The following AGAP1 variants were observed in gnomAD, a reference collection of about 807,000 sequenced individuals.
AGAP1 encodes the protein arf-GAP with GTPase, ANK repeat and PH domain-containing protein 1.
A neutral mutation model predicts 105.3 loss-of-function variants in AGAP1; 29 were observed. That is an observed-to-expected ratio of 0.28 (90% confidence interval 0.21 to 0.38). AGAP1 has a LOEUF of 0.38. Among genes scored for constraint, AGAP1 ranks in the 10% least tolerant of loss-of-function variants. The pLI, the probability that AGAP1 is intolerant of heterozygous loss-of-function variation, is 1.00. For synonymous variants in AGAP1, 509 were observed against 485.9 expected (o/e 1.05, Z -0.63); for missense variants, 998 against 1,165.1 (o/e 0.86, Z 2.09).
chr2:235,889,020 G>C lies in AGAP1; in HGVS notation c.1155+5571G>C, dbSNP rs1216447200. Among the ~76,000 whole-genome samples the C allele has an allele frequency of 6.6e-6, 1 of 152,200 alleles. No homozygotes were observed. The highest frequency in any genetic ancestry group is 1.5e-5 in the Non-Finnish European group (1 of 68,038). On this transcript the variant is annotated intron_variant, in intron 10 of 17. Transcript: ENST00000304032. This position sits in a 1 kb window ranked among gnomAD's most constrained non-coding sequence, Gnocchi z 4.6. ...CCCTGAAGAGGTCATTTCTGTTCCTGAGGTATCTGAACACAGTTTGCTTAT... is the reference window on the plus strand; with the variant it reads ...CCCTGAAGAGGTCATTTCTGTTCCTCAGGTATCTGAACACAGTTTGCTTAT...
intron 9 of AGAP1, among the ~76,000 whole-genome samples, chr2:235,861,190 A>G (rs1484432269): frequency 6.6e-6 from 1 of 152,230 alleles, no homozygotes; most frequent in Non-Finnish European, 1.5e-5. Flanking sequence ...TTAACAATCA[A>G]CTTCTATAGG....
intron 15 of AGAP1, 73 bp from the exon 16 acceptor site, chr2:236,048,986 T>G (rs1449381311): frequency 5.7e-6 from 8 of 1,409,038 alleles, no homozygotes; most frequent in Non-Finnish European, 7.9e-6. Flanking sequence ...TTCGTCGCCT[T>G]GTGTTTCTAA....
chr2:236,001,980 T>C lies in AGAP1; in HGVS notation c.1645+33357T>C, dbSNP rs2056140822. Among the ~76,000 whole-genome samples the C allele has an allele frequency of 6.6e-6, 1 of 152,228 alleles. No individual in the cohort carries two copies. The highest frequency in any genetic ancestry group is 2.4e-5 in the African/African-American group (1 of 41,468). On this transcript the variant is annotated intron_variant, in intron 13 of 17. Coordinates refer to ENST00000304032, the MANE Select transcript of AGAP1 (RefSeq NM_001037131.3). This position sits in a 1 kb window ranked among gnomAD's most constrained non-coding sequence, Gnocchi z 4.7. ...TGGACATCTCTGCCTGATTGGAAGC[T>C]TGCGTTGCACATTCAGCCCACGCCT...
chr2:236,013,583 G>A (rs1265637142), intron 13 of AGAP1, among the ~76,000 whole-genome samples: 1 of 83,450 alleles, frequency 1.2e-5, no homozygotes, highest in East Asian at 2.7e-4. Context: ...GAAGGGTAAG[G>A]GCCTGCCCGT....
rs898991317 is a variant in AGAP1, at chr2:236,052,680, C to A, written c.2114+3399C>A. ...TTACTCCCAGGAAGAAAAAAAAAAT[C>A]TTTTTGGATGGATTCTGCAACAACT... On this transcript the variant is annotated intron_variant, in intron 16 of 17. Transcript: ENST00000304032. Among the ~76,000 whole-genome samples the A allele has an allele frequency of 2.6e-5, 4 of 152,134 alleles. No homozygotes were observed. The East Asian group carries it at 5.8e-4, about 22-fold the overall frequency.
At chr2:235,868,193 CTT>C (rs201871354) in intron 9 of AGAP1, among the ~76,000 whole-genome samples, 1 of 144,162 alleles carries the variant, frequency 6.9e-6, no homozygotes, top group Non-Finnish European at 1.5e-5. Flanking sequence ...TCAAACATCA[CTT>C]TTTTTTTTTT....
Position 236,014,768 on chromosome 2 carries a change from CT to C in AGAP1, c.1646-21788del, listed in dbSNP as rs1559192607. 13 of 407,010 alleles carry C rather than the reference CT, an allele frequency of 3.2e-5. No homozygotes were observed. Among genetic ancestry groups the C allele is most frequent in the East Asian group, 8.2e-5 (1 of 12,142 alleles). The allele number at this position is 407,010 out of a possible 1,614,324, so 25.2% of individuals were successfully genotyped here. On this transcript the variant is annotated intron_variant, in intron 13 of 17. Transcript: ENST00000304032. The surrounding 1 kb of genome is among the most constrained non-coding windows in gnomAD (Gnocchi z 6.3). Reference sequence around the variant, plus strand: ...TTTTCTTTTCCTTTTTGTTTTCTCTCTTTTTCCCCTCTCCCCTTTCTGCTCT... The same window carrying C: ...TTTTCTTTTCCTTTTTGTTTTCTCTCTTTTCCCCTCTCCCCTTTCTGCTCT...
At chr2:235,880,568 T>C (rs1326292273) in intron 9 of AGAP1, among the ~76,000 whole-genome samples, 1 of 119,550 alleles carries the variant, frequency 8.4e-6, no homozygotes, top group Non-Finnish European at 1.7e-5. Context: ...CCATTTCTAC[T>C]AAAAATACAA....
intron 13 of AGAP1, among the ~76,000 whole-genome samples, chr2:235,975,905 C>T (rs1213249236): frequency 1.3e-5 from 2 of 152,162 alleles, no homozygotes; most frequent in Non-Finnish European, 2.9e-5. Flanking sequence ...ACAATAAGGA[C>T]TTATTAATTA....
Position 235,983,884 on chromosome 2 carries a change from T to A in AGAP1, c.1645+15261T>A, listed in dbSNP as rs1238664858. 6.6e-6 allele frequency among the ~76,000 whole-genome samples: 1 copy of A among 152,214 alleles called. No homozygotes were observed. Among genetic ancestry groups the A allele is most frequent in the Non-Finnish European group, 1.5e-5 (1 of 68,034 alleles). On this transcript the variant is annotated intron_variant, in intron 13 of 17. Transcript: ENST00000304032. The surrounding 1 kb of genome is among the most constrained non-coding windows in gnomAD (Gnocchi z 4.5). ...TTTCTCAGAATGCATCACTTAACGA[T>A]GGGGATACATGGCTGTATGTAACAT...
At chr2:235,684,663 T>C (rs530502863) in intron 1 of AGAP1, among the ~76,000 whole-genome samples, 28 of 152,162 alleles carry the variant, frequency 1.8e-4, no homozygotes, top group Non-Finnish European at 3.2e-4. Context: ...TTCTGAACTA[T>C]AGATGGGAAG....
At chr2:235,839,157 C>A (rs1351416936) in intron 9 of AGAP1, among the ~76,000 whole-genome samples, 1 of 152,184 alleles carries the variant, frequency 6.6e-6, no homozygotes, top group East Asian at 1.9e-4. Flanking sequence ...GTGAAGCAAT[C>A]TTTTATGGAA....
intron 13 of AGAP1, among the ~76,000 whole-genome samples, chr2:236,022,684 G>A (rs1452000660): frequency 4.6e-5 from 7 of 152,136 alleles, no homozygotes; most frequent in South Asian, 2.1e-4. Flanking sequence ...ATAGGCACCC[G>A]CCACCACGCC....
At chr2:235,584,488 C>T (rs1945037377) in intron 1 of AGAP1, among the ~76,000 whole-genome samples, 1 of 147,710 alleles carries the variant, frequency 6.8e-6, no homozygotes, top group African/African-American at 2.5e-5. Flanking sequence ...GGAGTGGGTC[C>T]TGATCCAGTG....
rs950575690 is a variant in AGAP1 at position 235,737,224 on chromosome 2, G to A, written c.311-3739G>A. Reference sequence around the variant, plus strand: ...TATCTTATTATTCACCTTTGAGTTCGTGGCAAATACTTAGCAGTATTTAAT... The same window carrying A: ...TATCTTATTATTCACCTTTGAGTTCATGGCAAATACTTAGCAGTATTTAAT... On this transcript the variant is annotated intron_variant, in intron 3 of 17. Coordinates refer to ENST00000304032, the MANE Select transcript of AGAP1 (RefSeq NM_001037131.3). The surrounding 1 kb of genome is among the most constrained non-coding windows in gnomAD (Gnocchi z 4.5). 4.6e-5 allele frequency among the ~76,000 whole-genome samples: 7 copies of A among 152,126 alleles called. No homozygotes were observed. The highest frequency in any genetic ancestry group is 4.1e-4 in the South Asian group (2 of 4,834).
Position 236,009,768 on chromosome 2 carries a change from G to A in AGAP1, c.1646-26793G>A, listed in dbSNP as rs972685941. 6.6e-6 allele frequency among the ~76,000 whole-genome samples: 1 copy of A among 152,144 alleles called. No homozygotes were observed. Among genetic ancestry groups the A allele is most frequent in the Non-Finnish European group, 1.5e-5 (1 of 68,030 alleles). On this transcript the variant is annotated intron_variant, in intron 13 of 17. Coordinates refer to ENST00000304032, the MANE Select transcript of AGAP1 (RefSeq NM_001037131.3). The surrounding 1 kb of genome is among the most constrained non-coding windows in gnomAD (Gnocchi z 4.2). ...ATTTAGCCGTCCCTGCTCGGTTCAC[G>A]CCAAGGATGTAATTCATGCACACTT...
chr2:235,758,851 G>C (rs1954156523), intron 6 of AGAP1, among the ~76,000 whole-genome samples: 1 of 152,218 alleles, frequency 6.6e-6, no homozygotes, highest in African/African-American at 2.4e-5. Context: ...GGAGTGCAGT[G>C]ACACAATCTT....
rs2149129147 is a variant in AGAP1, at chr2:235,557,960, G to T, written c.163+63111G>T. Among the ~76,000 whole-genome samples, 1 of 152,282 alleles carries T rather than the reference G, an allele frequency of 6.6e-6. No homozygotes were observed. On this transcript the variant is annotated intron_variant, in intron 1 of 17. Transcript: ENST00000304032. This position sits in a 1 kb window ranked among gnomAD's most constrained non-coding sequence, Gnocchi z 4.7. ...TGGACAGGTGAGCTCCCCTCCAGAG[G>T]CTGCCTGTTTGTAAAATAATAGGTT...
Position 235,635,271 on chromosome 2 carries a change from G to A in AGAP1, c.164-73908G>A, listed in dbSNP as rs957323843. Among the ~76,000 whole-genome samples the A allele has an allele frequency of 1.3e-5, 2 of 152,162 alleles. No individual in the cohort carries two copies. Among genetic ancestry groups the A allele is most frequent in the Non-Finnish European group, 2.9e-5 (2 of 68,038 alleles). ...TGTCCTCATCTGAAAATGGGAATGA[G>A]GATGCCTATCCGAGGTGACTTAGCA... On this transcript the variant is annotated intron_variant, in intron 1 of 17. Coordinates refer to ENST00000304032, the MANE Select transcript of AGAP1 (RefSeq NM_001037131.3). The surrounding 1 kb of genome is among the most constrained non-coding windows in gnomAD (Gnocchi z 5.3).
Sources: allele counts gnomAD v4.1 joint callset (sites outside exome capture counted in the v4.1 genomes callset), GRCh38; gene constraint gnomAD v4.1.1; non-coding constraint Gnocchi (gnomAD v3.1); transcripts MANE v1.5; gene names NCBI Gene and HGNC (gene_info 2026-07-23, HGNC 2026-07-21).